The following GPNMB variants were observed in gnomAD, a reference collection of about 807,000 sequenced individuals.
The protein encoded by GPNMB is glycoprotein nmb.
In GPNMB, 71 loss-of-function variants were observed where a neutral mutation model predicts 57.3. The ratio of observed to expected loss-of-function variants is 1.24; its 90% CI spans 1.02 to 1.51. The LOEUF is 1.51. Ranked by LOEUF, GPNMB falls within the 40% of genes most tolerant of loss-of-function variation. GPNMB has a pLI of 0.00. For synonymous variants in GPNMB, 253 were observed against 263.2 expected (o/e 0.96, Z 0.38); for missense variants, 677 against 691.9 (o/e 0.98, Z 0.24).
At chr7:23,252,045 A>G (rs910153260) in intron 1 of GPNMB, among the ~76,000 whole-genome samples, 2 of 152,212 alleles carry the variant, frequency 1.3e-5, no homozygotes, top group Admixed American at 1.3e-4. Context: ...AAAGATTTTT[A>G]AAAGAACTGT....
At chr7:23,260,376 C>T in intron 5 of GPNMB, 80 bp from the exon 6 acceptor site, 1 of 1,214,170 alleles carries the variant, frequency 8.2e-7, no homozygotes, top group Non-Finnish European at 1.2e-6. Flanking sequence ...AATATTTCAA[C>T]CTAAAAGCAT....
At chr7:23,268,191 G>A (rs1193814599) in intron 8 of GPNMB, among the ~76,000 whole-genome samples, 1 of 152,240 alleles carries the variant, frequency 6.6e-6, no homozygotes, top group East Asian at 1.9e-4. Flanking sequence ...TTGAGCAATT[G>A]AGAAAGCTTT....
intron 6 of GPNMB, among the ~76,000 whole-genome samples, chr7:23,264,303 A>G (rs1336517343): frequency 1.3e-5 from 2 of 152,218 alleles, no homozygotes; most frequent in Middle Eastern, 3.4e-3. Flanking sequence ...GTTTCTCTCC[A>G]TTAGCCCTTG....
chr7:23,256,023 C>T (rs189421778), intron 3 of GPNMB, among the ~76,000 whole-genome samples: 130 of 152,230 alleles, frequency 8.5e-4, no homozygotes, highest in Non-Finnish European at 2.2e-4. Flanking sequence ...TCTCCTGCCT[C>T]GGCGTCCCAA....
chr7:23,247,156 C>G (rs1782550564), intron 1 of GPNMB: 8 of 549,630 alleles, frequency 1.5e-5, no homozygotes, highest in Non-Finnish European at 2.3e-5. Flanking sequence ...CTATGCTGCC[C>G]TTCTCTTGTG....
chr7:23,270,376 T>C (rs1783173034), intron 9 of GPNMB, among the ~76,000 whole-genome samples: 1 of 152,094 alleles, frequency 6.6e-6, no homozygotes, highest in Non-Finnish European at 1.5e-5. Flanking sequence ...AGACATCTGG[T>C]GAAATAGTGG....
At chr7:23,272,727 T>C (rs1400616095) in intron 9 of GPNMB, among the ~76,000 whole-genome samples, 2 of 152,188 alleles carry the variant, frequency 1.3e-5, no homozygotes, top group Non-Finnish European at 2.9e-5. Context: ...ATCTACTCCA[T>C]GCTCAGCACA....
chr7:23,252,504 C>T (rs185318361), intron 1 of GPNMB, among the ~76,000 whole-genome samples: 1 of 152,118 alleles, frequency 6.6e-6, no homozygotes, highest in East Asian at 1.9e-4. Context: ...GGGATATTAC[C>T]AGGGATAAAG....
chr7:23,252,579 G>A (rs1782685398), intron 1 of GPNMB, among the ~76,000 whole-genome samples: 1 of 152,144 alleles, frequency 6.6e-6, no homozygotes, highest in Admixed American at 6.6e-5. Flanking sequence ...TAAATGTATA[G>A]TATGCACCTG....
intron 1 of GPNMB, chr7:23,247,233 C>A: frequency 2.5e-6 from 1 of 392,654 alleles, no homozygotes; most frequent in Non-Finnish European, 4.8e-6. Context: ...GGTTGGACAG[C>A]CTCCGGCCAC....
chr7:23,266,516 G>A lies in GPNMB; in HGVS notation c.1019-1G>A. 6.2e-7 allele frequency: 1 copy of A among 1,613,262 alleles called. No homozygotes were observed. Among genetic ancestry groups the A allele is most frequent in the Non-Finnish European group, 8.5e-7 (1 of 1,179,236 alleles). On this transcript the variant is annotated splice_acceptor_variant, in intron 6 of 10. Transcript: ENST00000258733. LOFTEE classifies it high-confidence loss of function. Reference sequence around the variant, plus strand: ...AAAATCTTATGATTCAAACACCCCAGGACCTGCTGGTGACAACCCCCTGGA... The same window carrying A: ...AAAATCTTATGATTCAAACACCCCAAGACCTGCTGGTGACAACCCCCTGGA...
chr7:23,272,846 C>CTTTTTTTTTTTTTTTTTTTTTTTT (rs34346503), intron 9 of GPNMB, among the ~76,000 whole-genome samples: 4 of 139,634 alleles, frequency 2.9e-5, no homozygotes, highest in African/African-American at 1.1e-4. Context: ...AGGTGGTGAT[C>CTTTTTTTTTTTTTTTTTTTTTTTT]TTTTTTTTTT....
Position 23,273,628 on chromosome 7 carries a change from T to C in GPNMB, c.1523+14T>C, listed in dbSNP as rs1472965616. 1 of 1,460,414 alleles carries C rather than the reference T, an allele frequency of 6.8e-7. No individual in the cohort carries two copies. Among genetic ancestry groups the C allele is most frequent in the East Asian group, 2.3e-5 (1 of 44,158 alleles). 90.5% of individuals were successfully genotyped at this position (1,460,414 alleles called of 1,614,324 possible). A position where few individuals can be genotyped will look rare whatever the true frequency, so the allele number is the denominator to read the frequency against. On this transcript the variant is annotated intron_variant, in intron 10 of 10. Coordinates refer to ENST00000258733, the MANE Select transcript of GPNMB (RefSeq NM_002510.3). ...CTTGGTGTACAAGTAAGTTTTTGGT[T>C]CCTACGCTTTATATCACTATAGTGT...
chr7:23,261,350 T>C (rs1335304266), intron 6 of GPNMB, among the ~76,000 whole-genome samples: 1 of 152,228 alleles, frequency 6.6e-6, no homozygotes, highest in East Asian at 1.9e-4. Flanking sequence ...ATTGCGGCAC[T>C]ATTCACAATA....
chr7:23,269,463 C>G (rs569943141), intron 8 of GPNMB, among the ~76,000 whole-genome samples: 1 of 152,292 alleles, frequency 6.6e-6, no homozygotes, highest in African/African-American at 2.4e-5. Flanking sequence ...TCACTCAGAA[C>G]AAAGGTCTCT....
intron 7 of GPNMB, 100 bp from the exon 8 acceptor site, chr7:23,267,786 G>A (rs370763005): frequency 8.1e-5 from 69 of 849,694 alleles, no homozygotes; most frequent in East Asian, 4.2e-4. Context: ...TATGAATTTC[G>A]GAGGGACACA....
chr7:23,260,074 C>A lies in GPNMB; in HGVS notation c.636C>A (p.Val212=), dbSNP rs1235387304. 1 of 1,613,856 alleles carries A rather than the reference C, an allele frequency of 6.2e-7. No homozygotes were observed. The highest frequency in any genetic ancestry group is 8.5e-7 in the Non-Finnish European group (1 of 1,179,910). ...GGCCTCAACTCATGGAAGTGACTGT[C>A]TACAGAAGACATGGACGGGCATATG... ...TLGPQLMEVT[V]YRRHGRAYVP... The change falls in exon 5 of 11, where the codon GTC becomes GTA. Residue 212 remains valine, a synonymous_variant. Coordinates refer to ENST00000258733, the MANE Select transcript of GPNMB (RefSeq NM_002510.3).
rs571001843 is a variant in GPNMB, at chr7:23,254,202, C to T, written c.257C>T (p.Ser86Leu). The T allele has an allele frequency of 2.0e-5, 33 of 1,614,042 alleles. No individual in the cohort carries two copies. The African/African-American group carries it at 4.0e-4, about 20-fold the overall frequency. Residue 86 changes from serine to leucine, a missense_variant, in exon 3 of 11, where the codon TCA (serine) becomes TTA (leucine). Ser to Leu is a moderately radical substitution (Grantham distance 145). Coordinates refer to ENST00000258733, the MANE Select transcript of GPNMB (RefSeq NM_002510.3). ...GRVQAVLTSD[S>L]PALVGSNITF... is the part of the protein sequence containing the mutation. ...GTGCAGGCGGTCCTGACCAGTGACT[C>T]ACCAGCCCTCGTGGGCTCAAATATA...
intron 7 of GPNMB, among the ~76,000 whole-genome samples, chr7:23,266,830 C>G (rs1377659659): frequency 6.6e-6 from 1 of 152,242 alleles, no homozygotes; most frequent in East Asian, 1.9e-4. Context: ...TGGAAACAAG[C>G]CTTCTGTGAA....
Sources: gnomAD v4.1 joint callset for allele counts (sites outside exome capture counted in the v4.1 genomes callset) on GRCh38, gnomAD v4.1.1 for gene constraint, MANE v1.5 for transcripts, NCBI Gene and HGNC (gene_info 2026-07-23, HGNC 2026-07-21) for gene names.